Variants in PDE7B observed in about 807,000 individuals in gnomAD.
The protein encoded by PDE7B is 3',5'-cyclic-AMP phosphodiesterase 7B.
Under a neutral mutation model 56.2 loss-of-function variants are expected in PDE7B, and 29 were observed. That is an observed-to-expected ratio of 0.52 (90% CI 0.38 to 0.70). PDE7B has a LOEUF of 0.70. PDE7B is among the 30% of genes least tolerant of loss of function. The pLI is 0.00. For missense variants in PDE7B, 490 were observed against 565.0 expected, an observed-to-expected ratio of 0.87 and a Z score of 1.35; for synonymous variants, 197 against 196.9, an observed-to-expected ratio of 1.00 and a Z score of 0.00.
chr6:135,925,340 G>A (rs1049017436), intron 1 of PDE7B, among the ~76,000 whole-genome samples: 2 of 151,960 alleles, frequency 1.3e-5, no homozygotes, highest in African/African-American at 4.8e-5. Flanking sequence ...TATCCAAAAA[G>A]GGCATACCTC....
intron 11 of PDE7B, among the ~76,000 whole-genome samples, chr6:136,186,598 A>G (rs557557142): frequency 1.9e-4 from 29 of 152,200 alleles, no homozygotes; most frequent in Non-Finnish European, 4.1e-4. Context: ...TTTCCTACCT[A>G]CTTACTGTTC....
intron 2 of PDE7B, among the ~76,000 whole-genome samples, chr6:135,966,846 T>C (rs1270237001): frequency 1.3e-5 from 2 of 152,178 alleles, no homozygotes; most frequent in African/African-American, 4.8e-5. Flanking sequence ...AAACACAAAA[T>C]ATAATTGTCC....
intron 3 of PDE7B, among the ~76,000 whole-genome samples, chr6:136,117,516 C>T (rs1201878757): frequency 6.6e-6 from 1 of 152,196 alleles, no homozygotes; most frequent in Non-Finnish European, 1.5e-5. Flanking sequence ...ATCAAAAAGA[C>T]CTTTTTTTCT....
chr6:136,038,219 A>G, intron 2 of PDE7B: 1 of 1,299,696 alleles, frequency 7.7e-7, no homozygotes, highest in South Asian at 1.2e-5. Context: ...CAGAAACAGC[A>G]GCAGCAGCAA....
chr6:136,002,792 T>C (rs4896194), intron 2 of PDE7B, among the ~76,000 whole-genome samples: 72,281 of 151,272 alleles, frequency 0.48, 17,966 homozygotes, highest in African/African-American at 0.61. Flanking sequence ...GACAGATCAA[T>C]GAGACAGAAA....
intron 2 of PDE7B, among the ~76,000 whole-genome samples, chr6:136,078,474 A>T (rs1004057656): frequency 5.3e-5 from 8 of 152,140 alleles, no homozygotes; most frequent in African/African-American, 1.9e-4. Flanking sequence ...TAATTCCTTT[A>T]AAAACCTCCA....
At position 135,978,858 on chromosome 6, in the gene PDE7B, A is replaced by G. The variant is rs1775240284; in HGVS notation, c.82+31334A>G. Among the ~76,000 whole-genome samples the G allele has an allele frequency of 2.0e-5, 3 of 151,886 alleles. No homozygotes were observed. In the South Asian group the frequency reaches 6.2e-4, roughly 32 times the overall value. On this transcript the variant is annotated intron_variant, in intron 2 of 12. Coordinates refer to ENST00000308191, the MANE Select transcript of PDE7B (RefSeq NM_018945.4). ...TTTGACTTCCTCTTTTCCTGATTGA[A>G]TACCCTTTATTTCCTTCTCCTGCCT... is the stretch of plus-strand genomic sequence containing the variant.
intron 1 of PDE7B, among the ~76,000 whole-genome samples, chr6:135,870,682 T>C (rs1247033764): frequency 6.6e-6 from 1 of 151,960 alleles, no homozygotes; most frequent in Non-Finnish European, 1.5e-5. Flanking sequence ...ATAAGAGTTG[T>C]GTTTAGGACA....
At chr6:136,051,680 C>T (rs982873062) in intron 2 of PDE7B, among the ~76,000 whole-genome samples, 2 of 152,144 alleles carry the variant, frequency 1.3e-5, no homozygotes, top group Non-Finnish European at 2.9e-5. Flanking sequence ...GAGTTTGCTT[C>T]CTGAAGTTTA....
intron 2 of PDE7B, among the ~76,000 whole-genome samples, chr6:136,085,550 T>A (rs971435830): frequency 2.6e-5 from 4 of 152,176 alleles, no homozygotes; most frequent in African/African-American, 9.7e-5. Flanking sequence ...GAGAAACAGC[T>A]CTGTGCCTGG....
At chr6:136,114,436 C>T (rs988914121) in intron 3 of PDE7B, among the ~76,000 whole-genome samples, 1 of 152,024 alleles carries the variant, frequency 6.6e-6, no homozygotes, top group Admixed American at 6.5e-5. Flanking sequence ...AACACACTCT[C>T]GATGAAGGAC....
At chr6:135,956,389 G>A (rs1380893835) in intron 2 of PDE7B, among the ~76,000 whole-genome samples, 2 of 152,154 alleles carry the variant, frequency 1.3e-5, no homozygotes, top group Non-Finnish European at 2.9e-5. Flanking sequence ...CAACCTGAAG[G>A]TAACAACAGC....
At chr6:135,919,214 A>T (rs1774017823) in intron 1 of PDE7B, among the ~76,000 whole-genome samples, 1 of 152,164 alleles carries the variant, frequency 6.6e-6, no homozygotes, top group South Asian at 2.1e-4. Context: ...TGTGCTACCG[A>T]ACGCCTCCTT....
intron 2 of PDE7B, among the ~76,000 whole-genome samples, chr6:136,024,617 G>T (rs918983894): frequency 8.5e-5 from 13 of 152,118 alleles, no homozygotes; most frequent in African/African-American, 2.9e-4. Context: ...GATGTTAGTG[G>T]CTGGATTTCA....
Position 136,179,095 on chromosome 6 carries a change from A to G in PDE7B, c.902A>G (p.Lys301Arg). 1 of 1,614,080 alleles carries G rather than the reference A, an allele frequency of 6.2e-7. No individual in the cohort carries two copies. The highest frequency in any genetic ancestry group is 8.5e-7 in the Non-Finnish European group (1 of 1,179,906). The change falls in exon 10 of 13, where the codon AAA becomes AGA. Residue 301 changes from lysine to arginine, a missense_variant. Lys to Arg is a conservative substitution (Grantham distance 26). Coordinates refer to ENST00000308191, the MANE Select transcript of PDE7B (RefSeq NM_018945.4). ...AGATTGAAAGCTCACCTCCACAATA[A>G]AGACTTAAGACTGGAGGATGCACAG... ...LTRLKAHLHN[K>R]DLRLEDAQDR...
chr6:135,868,822 G>T (rs1450151188), intron 1 of PDE7B, among the ~76,000 whole-genome samples: 1 of 152,188 alleles, frequency 6.6e-6, no homozygotes, highest in Non-Finnish European at 1.5e-5. Context: ...AACTGAAATT[G>T]AATTTTAGGC....
chr6:135,979,863 G>T (rs1775262742), intron 2 of PDE7B, among the ~76,000 whole-genome samples: 1 of 152,112 alleles, frequency 6.6e-6, no homozygotes, highest in South Asian at 2.1e-4. Flanking sequence ...TGGCCATACT[G>T]CCCAAGGTAA....
intron 1 of PDE7B, among the ~76,000 whole-genome samples, chr6:135,887,690 A>G (rs1775734258): frequency 6.6e-6 from 1 of 151,466 alleles, no homozygotes; most frequent in African/African-American, 2.4e-5. Context: ...GAAAAGGCTT[A>G]ATTGGCTATG....
At chr6:136,131,544 T>G in intron 3 of PDE7B, among the ~76,000 whole-genome samples, 1 of 123,020 alleles carries the variant, frequency 8.1e-6, no homozygotes, top group Non-Finnish European at 1.6e-5. Flanking sequence ...CCCAAGTAAC[T>G]CCCACTCTTT....
Sources: allele counts gnomAD v4.1 joint callset (sites outside exome capture counted in the v4.1 genomes callset), GRCh38; gene constraint gnomAD v4.1.1; transcripts MANE v1.5; gene names NCBI Gene and HGNC (gene_info 2026-07-23, HGNC 2026-07-21).